Variants in MAST4 observed in about 807,000 individuals in gnomAD.
The protein encoded by MAST4 is microtubule associated serine/threonine kinase family member 4, also known as microtubule-associated serine/threonine-protein kinase 4.
Under a neutral mutation model 162.7 loss-of-function variants are expected in MAST4, and 89 were observed. The observed-to-expected ratio is 0.55, with a 90% CI of 0.46 to 0.65. The LOEUF (loss-of-function observed/expected upper bound fraction) is 0.65. MAST4 is among the 30% of genes least tolerant of loss of function. The pLI, the probability that MAST4 is intolerant of heterozygous loss-of-function variation, is 0.00. For synonymous variants in MAST4, 1,479 were observed against 1,361.1 expected, an observed-to-expected ratio of 1.09 and a Z score of -1.91; for missense variants, 3,153 against 3,374.0, an observed-to-expected ratio of 0.93 and a Z score of 1.62.
intron 3 of MAST4, among the ~76,000 whole-genome samples, chr5:66,883,702 C>T (rs972381174): frequency 2.0e-4 from 31 of 152,172 alleles, no homozygotes; most frequent in Middle Eastern, 3.2e-3. Flanking sequence ...GCTGGGATTA[C>T]AGGCATGAGC....
chr5:66,900,183 A>T (rs190835525), intron 4 of MAST4, among the ~76,000 whole-genome samples: 268 of 152,228 alleles, frequency 1.8e-3, no homozygotes, highest in African/African-American at 6.2e-3. Context: ...GGCATTGCAA[A>T]CCTAAATGTA....
chr5:66,889,499 A>G (rs958629638), intron 3 of MAST4, among the ~76,000 whole-genome samples: 4 of 152,110 alleles, frequency 2.6e-5, no homozygotes, highest in African/African-American at 9.7e-5. Flanking sequence ...TGCTAAAGTA[A>G]TTTTCTTACT....
rs72272071 is a variant in MAST4, at chr5:66,608,355, CTTTTTTTTTTTTTTTT to C, written c.363+11353_363+11368del. ...ACAGACATGAACCACTGTGCCTGGC[CTTTTTTTTTTTTTTTT>C]TTTTTTTTTTTTTTTGATGGCGAGA... On this transcript the variant is annotated intron_variant, in intron 1 of 28. Transcript: ENST00000403625. Among the ~76,000 whole-genome samples, 8 of 44,418 alleles carry C rather than the reference CTTTTTTTTTTTTTTTT, an allele frequency of 1.8e-4. No individual in the cohort carries two copies. The East Asian group carries it at 2.4e-3, about 13-fold the overall frequency. 29.1% of individuals were successfully genotyped at this position (44,418 alleles called of 152,430 possible). A position where few individuals can be genotyped will look rare whatever the true frequency, so the allele number is the denominator to read the frequency against.
At chr5:66,792,599 G>C (rs1480630985) in intron 3 of MAST4, 2 of 152,002 alleles carry the variant, frequency 1.3e-5, no homozygotes, top group Non-Finnish European at 2.9e-5. Flanking sequence ...TGCTGTAATG[G>C]GTGACCTAAT....
intron 4 of MAST4, among the ~76,000 whole-genome samples, chr5:66,965,916 T>C (rs1229472863): frequency 6.6e-6 from 1 of 152,242 alleles, no homozygotes; most frequent in African/African-American, 2.4e-5. Context: ...ATAGATTGTA[T>C]TTTAGGCAGA....
intron 3 of MAST4, among the ~76,000 whole-genome samples, chr5:66,883,990 G>A (rs1049691279): frequency 6.6e-6 from 1 of 152,074 alleles, no homozygotes; most frequent in Non-Finnish European, 1.5e-5. Flanking sequence ...CTCTTTCATC[G>A]TAGCACAATT....
At position 66,720,665 on chromosome 5, in the gene MAST4, A is replaced by G. The variant is rs147264364; in HGVS notation, c.364-39044A>G. 3.8e-3 allele frequency among the ~76,000 whole-genome samples: 583 copies of G among 152,220 alleles called. 1 individual carries two copies. The highest frequency in any genetic ancestry group is 0.013 in the African/African-American group (535 of 41,542). On this transcript the variant is annotated intron_variant, in intron 1 of 28. Transcript: ENST00000403625. ...ATCTTTTCAAAGAACCAGCTGTTCC[A>G]CTGTTTATATTCTAATCCTTTAATT...
chr5:66,705,291 A>G (rs1750059133), intron 1 of MAST4, among the ~76,000 whole-genome samples: 1 of 152,220 alleles, frequency 6.6e-6, no homozygotes, highest in South Asian at 2.1e-4. Flanking sequence ...TGGGTATAGC[A>G]TGAGCATGTT....
intron 1 of MAST4, among the ~76,000 whole-genome samples, chr5:66,629,602 T>C (rs970840517): frequency 2.0e-5 from 3 of 152,230 alleles, no homozygotes; most frequent in Admixed American, 2.0e-4. Context: ...AGCTGCTGTC[T>C]GCCTGTCTCC....
intron 1 of MAST4, among the ~76,000 whole-genome samples, chr5:66,602,261 G>A (rs13160085): frequency 0.063 from 9,530 of 152,184 alleles, 405 homozygotes; most frequent in Middle Eastern, 0.15. Flanking sequence ...AAGGGAGATG[G>A]TCTGAGGTTG....
At chr5:66,618,807 A>ATT (rs144940559) in intron 1 of MAST4, among the ~76,000 whole-genome samples, 1 of 150,422 alleles carries the variant, frequency 6.6e-6, no homozygotes, top group African/African-American at 2.4e-5. Flanking sequence ...AAAGAAAAGG[A>ATT]TTTTTTTTTT....
At chr5:66,928,562 C>T (rs982584018) in intron 4 of MAST4, among the ~76,000 whole-genome samples, 1 of 152,048 alleles carries the variant, frequency 6.6e-6, no homozygotes, top group African/African-American at 2.4e-5. Flanking sequence ...AAATAAATAC[C>T]ATCTCTACTA....
At chr5:66,795,857 A>G (rs1185201207) in intron 3 of MAST4, among the ~76,000 whole-genome samples, 1 of 152,136 alleles carries the variant, frequency 6.6e-6, no homozygotes. Flanking sequence ...TTTCATCTGG[A>G]AAGTAGTAAT....
intron 1 of MAST4, among the ~76,000 whole-genome samples, chr5:66,758,436 A>T (rs745818649): frequency 2.0e-5 from 3 of 151,720 alleles, no homozygotes; most frequent in Non-Finnish European, 4.4e-5. Flanking sequence ...TTATTTTTTG[A>T]GATGGGGTCT....
rs571739293 is a variant in MAST4, at chr5:67,054,514, AGTTTT to A, written c.763+28_763+32del. Reference sequence around the variant, plus strand: ...GCAGGTAATTGGTTACCATTTCTTGAGTTTTGTTTTATTTCTTTATTTGTTGGTTT... The same window carrying A: ...GCAGGTAATTGGTTACCATTTCTTGAGTTTTATTTCTTTATTTGTTGGTTT... On this transcript the variant is annotated intron_variant, in intron 5 of 28. Coordinates refer to ENST00000403625, the MANE Select transcript of MAST4 (RefSeq NM_001164664.2). 1.8e-3 allele frequency: 2,765 copies of A among 1,574,242 alleles called. 4 individuals are homozygous for A. The highest frequency in any genetic ancestry group is 2.1e-3 in the South Asian group (175 of 83,562).
At chr5:66,788,452 G>A (rs1755218635) in intron 2 of MAST4, among the ~76,000 whole-genome samples, 1 of 152,166 alleles carries the variant, frequency 6.6e-6, no homozygotes, top group South Asian at 2.1e-4. Flanking sequence ...CACTCATGCA[G>A]GAGATGATGT....
chr5:66,864,598 T>C (rs182284386), intron 3 of MAST4, among the ~76,000 whole-genome samples: 1 of 152,264 alleles, frequency 6.6e-6, no homozygotes, highest in African/African-American at 2.4e-5. Flanking sequence ...TATGAGGCTA[T>C]TGCTGAAGTC....
chr5:66,825,269 C>G (rs1466681507), intron 3 of MAST4, among the ~76,000 whole-genome samples: 4 of 53,812 alleles, frequency 7.4e-5, no homozygotes, highest in African/African-American at 3.1e-4. Context: ...AAGACACACA[C>G]ACACACACAC....
intron 3 of MAST4, among the ~76,000 whole-genome samples, chr5:66,821,667 A>C (rs1433588114): frequency 2.0e-5 from 3 of 152,222 alleles, no homozygotes; most frequent in Non-Finnish European, 4.4e-5. Context: ...CTGTTCTCAG[A>C]GTGAACATTA....
Sources: allele counts gnomAD v4.1 joint callset (sites outside exome capture counted in the v4.1 genomes callset), GRCh38; gene constraint gnomAD v4.1.1; transcripts MANE v1.5; gene names NCBI Gene and HGNC (gene_info 2026-07-23, HGNC 2026-07-21).